The following NPAT variants were observed in gnomAD, a reference collection of about 807,000 sequenced individuals.
NPAT encodes protein NPAT.
Under a neutral mutation model 130.7 loss-of-function variants are expected in NPAT, and 52 were observed. That is an observed-to-expected ratio of 0.40 (90% CI 0.32 to 0.50). The LOEUF (loss-of-function observed/expected upper bound fraction) is 0.50. Ranked by LOEUF, NPAT falls within the 20% of genes least tolerant of loss-of-function variation. The pLI, the probability that NPAT is intolerant of heterozygous loss-of-function variation, is 0.68. For missense variants in NPAT, 1,687 were observed against 1,662.6 expected, an observed-to-expected ratio of 1.01 and a Z score of -0.26; for synonymous variants, 580 against 584.8, an observed-to-expected ratio of 0.99 and a Z score of 0.12.
Position 108,161,606 on chromosome 11 carries a change from G to C in NPAT, c.3480C>G (p.Phe1160Leu). 6.2e-7 allele frequency: 1 copy of C among 1,614,064 alleles called. No individual in the cohort carries two copies. Among genetic ancestry groups the C allele is most frequent in the Non-Finnish European group, 8.5e-7 (1 of 1,180,004 alleles). ...VSPTEIVLES[F>L]HKATANKENE... ...TCTCCTTATTAGCTGTTGCTTTATG[G>C]AAAGATTCAAGCACAATTTCTGTTG... Residue 1160 changes from phenylalanine to leucine, a missense_variant, in exon 17 of 18, where the codon TTC becomes TTG. Around this residue, in one of 3 missense-constraint regions of NPAT, gnomAD observed 1,379 missense variants for 1,346.6 expected, o/e 1.02. Transcript: ENST00000278612.
At chr11:108,196,816 T>C (rs2078226258) in intron 2 of NPAT, among the ~76,000 whole-genome samples, 1 of 152,246 alleles carries the variant, frequency 6.6e-6, no homozygotes, top group South Asian at 2.1e-4. Context: ...CAGACATTCA[T>C]GTTATCTGTG....
At chr11:108,193,849 T>C (rs2078194658) in intron 3 of NPAT, 108 bp downstream of exon 3, 14 of 704,586 alleles carry the variant, frequency 2.0e-5, no homozygotes, top group Non-Finnish European at 3.4e-5. Flanking sequence ...GACAAGTTTT[T>C]TCAAGGCTTT....
Position 108,176,364 on chromosome 11 carries a change from CTTT to C in NPAT, c.1011_1013del (p.Lys338del), listed in dbSNP as rs1421992479. On this transcript the variant is annotated inframe_deletion, in exon 12 of 18. Transcript: ENST00000278612. ...TACTTTGTGATATATTTTTATTATTCTTTGTTTTGCCTGTTAAAAAGGGAATAT... is the reference window on the plus strand; with the variant it reads ...TACTTTGTGATATATTTTTATTATTCGTTTTGCCTGTTAAAAAGGGAATAT... 2.6e-6 allele frequency: 4 copies of C among 1,546,122 alleles called. 1 individual carries two copies. The highest frequency in any genetic ancestry group is 1.7e-4 in the Middle Eastern group (1 of 5,862).
chr11:108,206,974 T>C lies in NPAT; in HGVS notation c.38-9554A>G, dbSNP rs184720997. ...GCCTTTCTGTGCAGGCAGGTCATCCTGATGAGTGTCCAGCTCTCAACAGAG... is the reference window on the plus strand; with the variant it reads ...GCCTTTCTGTGCAGGCAGGTCATCCCGATGAGTGTCCAGCTCTCAACAGAG... On this transcript the variant is annotated intron_variant, in intron 1 of 17. Transcript: ENST00000278612. 2.8e-4 allele frequency among the ~76,000 whole-genome samples: 43 copies of C among 152,216 alleles called. 1 individual carries two copies. The highest frequency in any genetic ancestry group is 6.8e-3 in the Middle Eastern group (2 of 294).
chr11:108,215,505 C>A (rs2078425538), intron 1 of NPAT, among the ~76,000 whole-genome samples: 1 of 152,164 alleles, frequency 6.6e-6, no homozygotes. Flanking sequence ...CAAACCTGCA[C>A]ATGTACCCCT....
chr11:108,176,094 G>C, intron 12 of NPAT, 152 bp downstream of exon 12: 1 of 633,670 alleles, frequency 1.6e-6, no homozygotes, highest in Non-Finnish European at 2.7e-6. Flanking sequence ...AACTACCAAA[G>C]ATTTATAATT....
rs1294610130 is a variant in NPAT, at chr11:108,222,630, G to A, written c.-94C>T. The stretch of plus-strand genomic sequence containing the variant: ...CTGCGCCGCATCTCCTGGTTCCAGT[G>A]GCGGCACTGAACTCGCGGCAATTTG... On this transcript the variant is annotated 5_prime_UTR_variant, in exon 1 of 18. Coordinates refer to ENST00000278612, the MANE Select transcript of NPAT (RefSeq NM_002519.3). 7.2e-7 allele frequency: 1 copy of A among 1,379,908 alleles called. No homozygotes were observed. The highest frequency in any genetic ancestry group is 1.4e-5 in the African/African-American group (1 of 70,230). The allele number at this position is 1,379,908 out of a possible 1,614,324, so 85.5% of individuals were successfully genotyped here. A position where few individuals can be genotyped will look rare whatever the true frequency, so the allele number is the denominator to read the frequency against.
rs1319580967 is a variant in NPAT, at chr11:108,161,720, A to G, written c.3366T>C (p.Pro1122=). 6.2e-7 allele frequency: 1 copy of G among 1,613,780 alleles called. No individual in the cohort carries two copies. The highest frequency in any genetic ancestry group is 8.5e-7 in the Non-Finnish European group (1 of 1,180,024). The stretch of plus-strand genomic sequence containing the variant: ...ATTTAGATAAAATCTTAGGCAGAGG[A>G]GGCTTCTCTTTCTCTCTTTTGATAG... The part of the protein sequence containing the change: ...NNAIKREKEK[P]PLPKILSKSE... The change falls in exon 17 of 18, where the codon CCT becomes CCC. Residue 1122 remains proline (P), a synonymous_variant. Transcript: ENST00000278612.
rs144003130 is a variant in NPAT at position 108,208,233 on chromosome 11, A to G, written c.38-10813T>C. Among the ~76,000 whole-genome samples the G allele has an allele frequency of 5.1e-3, 774 of 152,326 alleles. 6 individuals carry two copies. The highest frequency in any genetic ancestry group is 0.017 in the African/African-American group (716 of 41,568). On this transcript the variant is annotated intron_variant, in intron 1 of 17. Coordinates refer to ENST00000278612, the MANE Select transcript of NPAT (RefSeq NM_002519.3). ...CATTCTGAATTTTTGCATTAGGGATACTCAACCTGTCTCAAAGTAGGTATT... is the reference window on the plus strand; with the variant it reads ...CATTCTGAATTTTTGCATTAGGGATGCTCAACCTGTCTCAAAGTAGGTATT...
At chr11:108,188,667 ACT>A (rs1388009551) in intron 6 of NPAT, among the ~76,000 whole-genome samples, 2 of 152,130 alleles carry the variant, frequency 1.3e-5, no homozygotes, top group Non-Finnish European at 2.9e-5. Context: ...TATACCACAC[ACT>A]CTCTAAGGAT....
intron 17 of NPAT, among the ~76,000 whole-genome samples, chr11:108,159,415 T>A (rs1214199193): frequency 6.6e-6 from 1 of 152,168 alleles, no homozygotes; most frequent in Non-Finnish European, 1.5e-5. Flanking sequence ...TATACTACAT[T>A]TAGACTTCAC....
chr11:108,218,670 G>C (rs746603592), intron 1 of NPAT, among the ~76,000 whole-genome samples: 1 of 152,220 alleles, frequency 6.6e-6, no homozygotes, highest in Admixed American at 6.5e-5. Flanking sequence ...GGAGGGGCTG[G>C]AGAAACCACT....
intron 1 of NPAT, among the ~76,000 whole-genome samples, chr11:108,203,911 A>G (rs755547847): frequency 6.6e-6 from 1 of 152,088 alleles, no homozygotes. Context: ...TATTTGGTCC[A>G]TGTATATTTA....
chr11:108,177,025 T>C lies in NPAT; in HGVS notation c.972A>G (p.Ala324=). Reference sequence around the variant, plus strand: ...CAAAGAGATCAAAGAGTGCCTGAAATGCTGGGTCTGATTCTGTCTGTTCCA... The same window carrying C: ...CAAAGAGATCAAAGAGTGCCTGAAACGCTGGGTCTGATTCTGTCTGTTCCA... ...DILEQTESDP[A]FQALFDLFDY... The change falls in exon 11 of 18, where the codon GCA becomes GCG. Residue 324 remains alanine, a synonymous_variant. Transcript: ENST00000278612. 6.2e-7 allele frequency: 1 copy of C among 1,612,898 alleles called. No homozygotes were observed. The highest frequency in any genetic ancestry group is 8.5e-7 in the Non-Finnish European group (1 of 1,178,976).
chr11:108,197,189 A>G, intron 2 of NPAT, 113 bp downstream of exon 2: 1 of 803,366 alleles, frequency 1.2e-6, no homozygotes, highest in Non-Finnish European at 2.2e-6. Context: ...ATGAATATAA[A>G]CCACCAAATT....
chr11:108,173,044 G>A lies in NPAT; in HGVS notation c.1940C>T (p.Thr647Ile). ...NDSASVELNH[T>I]ENEAQASKSE... is the part of the protein sequence containing the mutation. ...CTTGGATGCCTGAGCTTCATTTTCT[G>A]TATGATTTAACTCAACAGATGCTGA... The change falls in exon 13 of 18, where the codon ACA becomes ATA. Residue 647 changes from threonine to isoleucine, a missense_variant. Coordinates refer to ENST00000278612, the MANE Select transcript of NPAT (RefSeq NM_002519.3). 1.9e-6 allele frequency: 3 copies of A among 1,613,994 alleles called. No individual in the cohort carries two copies. The highest frequency in any genetic ancestry group is 2.5e-6 in the Non-Finnish European group (3 of 1,179,978).
intron 10 of NPAT, among the ~76,000 whole-genome samples, chr11:108,178,422 T>TTGTG (rs147126073): frequency 1.3e-5 from 2 of 151,564 alleles, no homozygotes; most frequent in African/African-American, 2.4e-5. Context: ...ATTATTATTT[T>TTGTG]TGTGTGTGTG....
chr11:108,188,130 A>C lies in NPAT; in HGVS notation c.606T>G (p.His202Gln). The change falls in exon 7 of 18, where the codon CAT becomes CAG. Residue 202 changes from histidine to glutamine, a missense_variant. This residue lies in a region of NPAT where 307 missense variants were observed against 298.9 expected (regional missense o/e 1.03). Coordinates refer to ENST00000278612, the MANE Select transcript of NPAT (RefSeq NM_002519.3). ...GTCTACCGGGAGACATTAAACTGGC[A>C]TGTGCTTTCTTTTCCTGAGCACCAG... ...VIPGAQEKKA[H>Q]ASLMSPGRRK... The C allele has an allele frequency of 6.2e-7, 1 of 1,613,432 alleles. No individual in the cohort carries two copies. The highest frequency in any genetic ancestry group is 1.7e-5 in the Admixed American group (1 of 59,974).
At chr11:108,162,826 A>G (rs191113740) in intron 15 of NPAT, among the ~76,000 whole-genome samples, 10 of 152,318 alleles carry the variant, frequency 6.6e-5, no homozygotes, top group Non-Finnish European at 1.3e-4. Context: ...TCACTTAAAG[A>G]AAACAACAGA....
Sources: allele counts gnomAD v4.1 joint callset (sites outside exome capture counted in the v4.1 genomes callset), GRCh38; gene constraint gnomAD v4.1.1; regional missense constraint gnomAD v4.1.1; transcripts MANE v1.5; gene names NCBI Gene and HGNC (gene_info 2026-07-23, HGNC 2026-07-21).